Variants in MME observed in about 807,000 individuals in gnomAD.
MME encodes neprilysin.
MME carries 98 observed loss-of-function variants against 113.2 expected under a neutral mutation model. The observed-to-expected ratio is 0.87, with a 90% CI of 0.74 to 1.02. The LOEUF (loss-of-function observed/expected upper bound fraction) is 1.02, where lower values mean the gene tolerates loss of function less well. MME is among the 50% of genes least tolerant of loss of function. MME has a pLI of 0.00. For synonymous variants in MME, 292 were observed against 300.6 expected (o/e 0.97, Z 0.30); for missense variants, 836 against 896.0 (o/e 0.93, Z 0.86).
chr3:155,142,514 T>C lies in MME; in HGVS notation c.1188+184T>C, dbSNP rs369659237. ...AGATAAATCTTCATGGGCTTTACCA[T>C]CTTATGATGGTCTATGTGGCACGAT... On this transcript the variant is annotated intron_variant, in intron 12 of 22. Coordinates refer to ENST00000360490, the MANE Select transcript of MME (RefSeq NM_007289.4). Among the ~76,000 whole-genome samples the C allele has an allele frequency of 2.6e-5, 4 of 152,282 alleles. No homozygotes were observed. In the South Asian group the frequency reaches 8.3e-4, roughly 32 times the overall value.
intron 17 of MME, 48 bp from the exon 18 acceptor site, chr3:155,166,854 T>A: frequency 2.5e-6 from 4 of 1,612,568 alleles, no homozygotes; most frequent in South Asian, 1.1e-5. Context: ...ATAAAAATTT[T>A]AAAAACTTAT....
intron 3 of MME, chr3:155,089,685 C>A (rs981758588): frequency 1.1e-5 from 3 of 272,842 alleles, no homozygotes; most frequent in African/African-American, 2.2e-5. Context: ...ATTCCCAGAG[C>A]CTCTGAATAT....
chr3:155,047,168 G>A (rs966590960), intron 1 of MME, among the ~76,000 whole-genome samples: 1 of 152,130 alleles, frequency 6.6e-6, no homozygotes, highest in Admixed American at 6.5e-5. Flanking sequence ...TCCTATACAG[G>A]TATTCCATTT....
rs1172571307 is a variant in MME at position 155,141,986 on chromosome 3, TC to T, written c.958-3del. 6.2e-7 allele frequency: 1 copy of T among 1,613,506 alleles called. No individual in the cohort carries two copies. The highest frequency in any genetic ancestry group is 8.5e-7 in the Non-Finnish European group (1 of 1,179,608). On this transcript the variant is annotated splice_region_variant and splice_polypyrimidine_tract_variant and intron_variant, in intron 10 of 22. Coordinates refer to ENST00000360490, the MANE Select transcript of MME (RefSeq NM_007289.4). ...TCTGAATGTTTCATGCCTGCTTTTTTCCAGCCATTCAGCTGGTTGAATTTCA... is the reference window on the plus strand; with the variant it reads ...TCTGAATGTTTCATGCCTGCTTTTTTCAGCCATTCAGCTGGTTGAATTTCA...
intron 10 of MME, among the ~76,000 whole-genome samples, chr3:155,141,251 C>T (rs115383465): frequency 0.023 from 3,483 of 152,162 alleles, 111 homozygotes; most frequent in South Asian, 0.14. Context: ...TTAATAAATA[C>T]GTTTTGAAAG....
intron 1 of MME, among the ~76,000 whole-genome samples, chr3:155,072,192 A>AAAG (rs1714594060): frequency 6.6e-6 from 1 of 150,800 alleles, no homozygotes; most frequent in South Asian, 2.1e-4. Context: ...AAAAAAAAAA[A>AAAG]GAATCACTGT....
rs931731322 is a variant in MME at position 155,158,878 on chromosome 3, C to G, written c.1602-1512C>G. ...AGGACTGATATTATCAGTCCCCCCC[C>G]ATCCTGTTTAAAAATGCTTTCTCGA... On this transcript the variant is annotated intron_variant, in intron 16 of 22. Transcript: ENST00000360490. The G allele has an allele frequency of 4.6e-5, 7 of 151,986 alleles. No homozygotes were observed. The South Asian group carries it at 1.2e-3, about 27-fold the overall frequency. The allele number at this position is 151,986 out of a possible 1,614,324, so 9.4% of individuals were successfully genotyped here.
intron 3 of MME, among the ~76,000 whole-genome samples, chr3:155,099,377 CAGCGGT>C (rs890287477): frequency 1.6e-4 from 24 of 152,244 alleles, no homozygotes; most frequent in African/African-American, 5.8e-4. Context: ...AAACATTTCT[CAGCGGT>C]ATAATCTTCC....
chr3:155,056,395 T>C (rs187715978), intron 1 of MME, among the ~76,000 whole-genome samples: 2 of 150,206 alleles, frequency 1.3e-5, no homozygotes, highest in East Asian at 2.0e-4. Context: ...GTTCTCACTG[T>C]TCAGTTCCCA....
chr3:155,095,603 C>A (rs1175750129), intron 3 of MME, among the ~76,000 whole-genome samples: 1 of 151,854 alleles, frequency 6.6e-6, no homozygotes, highest in African/African-American at 2.4e-5. Flanking sequence ...TGACCTCAAC[C>A]TCTTGGGCTC....
intron 1 of MME, among the ~76,000 whole-genome samples, chr3:155,060,250 C>T (rs999021939): frequency 6.6e-6 from 1 of 152,128 alleles, no homozygotes; most frequent in Non-Finnish European, 1.5e-5. Context: ...TTGCTGAAAG[C>T]TGAAACCCCA....
chr3:155,053,172 C>A (rs1559893516), intron 1 of MME, among the ~76,000 whole-genome samples: 1 of 152,156 alleles, frequency 6.6e-6, no homozygotes, highest in Non-Finnish European at 1.5e-5. Flanking sequence ...TCCGAGCCCA[C>A]CAAACGGTTC....
rs10522735 is a variant in MME at position 155,116,590 on chromosome 3, G to GTATATATATATATATATA, written c.439+48_439+49insATATATATATATATATAT. On this transcript the variant is annotated intron_variant, in intron 5 of 22. Coordinates refer to ENST00000360490, the MANE Select transcript of MME (RefSeq NM_007289.4). ...TGCTCTTCATTTGATTTCATTAGGA[G>GTATATATATATATATATA]TATATATATATATATATTGGTGCCA... 47 of 1,240,778 alleles carry GTATATATATATATATATA rather than the reference G, an allele frequency of 3.8e-5. 1 individual carries two copies. The highest frequency in any genetic ancestry group is 2.1e-4 in the Middle Eastern group (1 of 4,736). 76.9% of individuals were successfully genotyped at this position (1,240,778 alleles called of 1,614,324 possible).
Position 155,163,054 on chromosome 3 carries a change from T to A in MME, c.1660+2606T>A, listed in dbSNP as rs1204022746. On this transcript the variant is annotated intron_variant, in intron 17 of 22. Transcript: ENST00000360490. ...AAAGAAAGAAAAAGAAATGTGTATG[T>A]GTATATAAATACACACATACCTACC... 4.6e-5 allele frequency among the ~76,000 whole-genome samples: 7 copies of A among 151,086 alleles called. No homozygotes were observed. In the East Asian group the frequency reaches 1.4e-3, roughly 29 times the overall value.
intron 8 of MME, among the ~76,000 whole-genome samples, chr3:155,128,539 A>G (rs1719876353): frequency 6.6e-6 from 1 of 152,172 alleles, no homozygotes; most frequent in Non-Finnish European, 1.5e-5. Context: ...TTGGCCTTCA[A>G]TGATTTTCTC....
intron 20 of MME, among the ~76,000 whole-genome samples, chr3:155,169,614 T>C (rs1711684501): frequency 6.6e-6 from 1 of 152,222 alleles, no homozygotes; most frequent in East Asian, 1.9e-4. Context: ...GAAGATGATT[T>C]TGAGTGTTTT....
chr3:155,061,950 C>T (rs1241049964), intron 1 of MME, among the ~76,000 whole-genome samples: 1 of 152,152 alleles, frequency 6.6e-6, no homozygotes, highest in East Asian at 1.9e-4. Flanking sequence ...CGTGAGCCAC[C>T]GTGCCAGGCC....
At chr3:155,114,221 A>T (rs1718412716) in intron 3 of MME, among the ~76,000 whole-genome samples, 1 of 152,172 alleles carries the variant, frequency 6.6e-6, no homozygotes, top group Admixed American at 6.5e-5. Flanking sequence ...CCGGGTATAG[A>T]CATTATGGGT....
intron 3 of MME, chr3:155,112,812 C>T (rs978420702): frequency 2.6e-5 from 4 of 152,208 alleles, no homozygotes; most frequent in Admixed American, 6.5e-5. Flanking sequence ...GGTAAGAAGA[C>T]TCATAGATGA....
Sources: gnomAD v4.1 joint callset for allele counts (sites outside exome capture counted in the v4.1 genomes callset) on GRCh38, gnomAD v4.1.1 for gene constraint, MANE v1.5 for transcripts, NCBI Gene and HGNC (gene_info 2026-07-23, HGNC 2026-07-21) for gene names.